The following EIF2A variants were observed in gnomAD, a reference collection of about 807,000 sequenced individuals.
EIF2A encodes the protein 65 kDa eukaryotic translation initiation factor 2A.
EIF2A carries 62 observed loss-of-function variants against 75.2 expected under a neutral mutation model. The ratio of observed to expected loss-of-function variants is 0.82; its 90% CI spans 0.67 to 1.02. The LOEUF is 1.02. EIF2A is among the 50% of genes least tolerant of loss of function. EIF2A has a pLI of 0.00. For synonymous variants in EIF2A, 207 were observed against 239.0 expected (o/e 0.87, Z 1.23); for missense variants, 611 against 677.7 (o/e 0.90, Z 1.09).
chr3:150,546,810 C>T lies in EIF2A; in HGVS notation c.8C>T (p.Pro3Leu), dbSNP rs773320355. The T allele has an allele frequency of 3.7e-6, 6 of 1,612,404 alleles. No individual in the cohort carries two copies. The African/African-American group carries it at 5.3e-5, about 14-fold the overall frequency. The change falls in exon 1 of 14, where the codon CCG becomes CTG. Residue 3 changes from proline to leucine, a missense_variant. Physicochemically the swap from Pro to Leu is moderately conservative, Grantham distance 98. Transcript: ENST00000460851. ...TTCTCTTTCCGGGACAACATGGCGC[C>T]GTCCACGCCGCTCTTGACAGGTGAG... MA[P>L]STPLLTVRGS...
At chr3:150,583,610 C>T (rs1294955926) in intron 13 of EIF2A, among the ~76,000 whole-genome samples, 1 of 151,910 alleles carries the variant, frequency 6.6e-6, no homozygotes, top group African/African-American at 2.4e-5. Context: ...TGTTTAAGCC[C>T]GAATATAGAA....
At chr3:150,583,565 C>T (rs754398773) in intron 13 of EIF2A, among the ~76,000 whole-genome samples, 1 of 152,134 alleles carries the variant, frequency 6.6e-6, no homozygotes, top group Non-Finnish European at 1.5e-5. Context: ...TCAAGTTGTA[C>T]TGCCCTGTTT....
At chr3:150,552,195 A>T (rs1723350250) in intron 1 of EIF2A, among the ~76,000 whole-genome samples, 161 bp from the exon 2 acceptor site, 1 of 152,264 alleles carries the variant, frequency 6.6e-6, no homozygotes, top group South Asian at 2.1e-4. Flanking sequence ...GTAACAGAGT[A>T]AGAAAATATG....
chr3:150,583,990 A>G lies in EIF2A; in HGVS notation c.*79A>G. The G allele has an allele frequency of 7.5e-7, 1 of 1,338,658 alleles. No homozygotes were observed. The highest frequency in any genetic ancestry group is 1.1e-6 in the Non-Finnish European group (1 of 948,934). 82.9% of individuals were successfully genotyped at this position (1,338,658 alleles called of 1,614,324 possible). On this transcript the variant is annotated 3_prime_UTR_variant, in exon 14 of 14. Transcript: ENST00000460851. ...TTAAACCCATTGGTATACACAGAAT[A>G]TTCCTGTGCCCACACTTAATGTCAA...
chr3:150,565,213 A>G (rs750638545), intron 6 of EIF2A: 3 of 456,534 alleles, frequency 6.6e-6, no homozygotes, highest in Middle Eastern at 3.2e-4. Flanking sequence ...TTTCAGCTTC[A>G]GGTTCTTTTT....
At chr3:150,575,089 G>T (rs1724781414) in intron 10 of EIF2A, among the ~76,000 whole-genome samples, 1 of 152,130 alleles carries the variant, frequency 6.6e-6, no homozygotes, top group African/African-American at 2.4e-5. Flanking sequence ...GACAAGCCAT[G>T]TAATTTTTTT....
chr3:150,568,589 A>G (rs1724326184), intron 9 of EIF2A, among the ~76,000 whole-genome samples: 1 of 152,152 alleles, frequency 6.6e-6, no homozygotes, highest in African/African-American at 2.4e-5. Flanking sequence ...TATGACGGCA[A>G]ATTGCTTAAT....
chr3:150,570,216 A>G (rs557115244), intron 9 of EIF2A, among the ~76,000 whole-genome samples: 1 of 152,324 alleles, frequency 6.6e-6, no homozygotes, highest in African/African-American at 2.4e-5. Flanking sequence ...CTAGAGAAGA[A>G]TAATGGATTA....
intron 1 of EIF2A, among the ~76,000 whole-genome samples, chr3:150,551,428 A>G (rs545366433): frequency 1.5e-4 from 23 of 152,218 alleles, no homozygotes; most frequent in East Asian, 1.2e-3. Flanking sequence ...ATTTAATTCA[A>G]CCATTTAAAA....
chr3:150,562,962 A>G (rs575789940), intron 4 of EIF2A: 3 of 208,140 alleles, frequency 1.4e-5, no homozygotes, highest in African/African-American at 7.0e-5. Context: ...CTGAAGATTA[A>G]GAATAATAAT....
chr3:150,558,515 T>C, intron 3 of EIF2A, 53 bp downstream of exon 3: 1 of 1,357,096 alleles, frequency 7.4e-7, no homozygotes, highest in Non-Finnish European at 9.7e-7. Flanking sequence ...TAAACACAAC[T>C]GGCATTATTT....
Position 150,567,727 on chromosome 3 carries a change from T to A in EIF2A, c.510T>A (p.Ile170=). ...CAAATAAATTGCATTTGCAAAAAAT[T>A]AATGATTTTGTATTATCACCTGGAC... ...TIANKLHLQK[I]NDFVLSPGPQ... is the part of the protein sequence containing the mutation. The change falls in exon 7 of 14, where the codon ATT becomes ATA. Residue 170 remains isoleucine (I), a synonymous_variant. Transcript: ENST00000460851. 6 of 1,554,736 alleles carry A rather than the reference T, an allele frequency of 3.9e-6. No individual in the cohort carries two copies. The highest frequency in any genetic ancestry group is 5.2e-6 in the Non-Finnish European group (6 of 1,148,486).
In EIF2A at chr3:150,568,155, T is replaced by C. The variant is rs531008925; in HGVS notation, c.695-21T>C. 2.4e-4 allele frequency: 379 copies of C among 1,606,412 alleles called. 3 individuals are homozygous for C. In the South Asian group the frequency reaches 3.2e-3, roughly 14 times the overall value. ...ATGCCCATTTGTGTTTTAAATCTAATTAAAGTTTTTACTGTTATAGCTACT... is the reference window on the plus strand; with the variant it reads ...ATGCCCATTTGTGTTTTAAATCTAACTAAAGTTTTTACTGTTATAGCTACT... On this transcript the variant is annotated intron_variant, in intron 8 of 13. Coordinates refer to ENST00000460851, the MANE Select transcript of EIF2A (RefSeq NM_032025.5).
At chr3:150,577,970 A>G (rs957169639) in intron 11 of EIF2A, among the ~76,000 whole-genome samples, 3 of 152,196 alleles carry the variant, frequency 2.0e-5, no homozygotes, top group African/African-American at 7.2e-5. Flanking sequence ...ATTCCAAGTA[A>G]AAATGATCTA....
chr3:150,561,597 A>G (rs1158010471), intron 3 of EIF2A, among the ~76,000 whole-genome samples: 1 of 151,888 alleles, frequency 6.6e-6, no homozygotes, highest in African/African-American at 2.4e-5. Flanking sequence ...ATAAAACAAA[A>G]GTATACTTTT....
At chr3:150,559,727 G>T (rs1723751297) in intron 3 of EIF2A, among the ~76,000 whole-genome samples, 1 of 152,014 alleles carries the variant, frequency 6.6e-6, no homozygotes, top group Non-Finnish European at 1.5e-5. Flanking sequence ...CTGACCTCAA[G>T]TGATCCACCC....
chr3:150,551,924 A>G (rs750722821), intron 1 of EIF2A, among the ~76,000 whole-genome samples: 7 of 152,200 alleles, frequency 4.6e-5, no homozygotes, highest in Non-Finnish European at 8.8e-5. Context: ...TTATATTTCT[A>G]AAAACTTTAA....
At chr3:150,554,675 T>C (rs1336276920) in intron 2 of EIF2A, among the ~76,000 whole-genome samples, 1 of 152,208 alleles carries the variant, frequency 6.6e-6, no homozygotes, top group Non-Finnish European at 1.5e-5. Flanking sequence ...CAGATGATCA[T>C]CAAAAGATGC....
At chr3:150,577,177 A>G (rs1221067570) in intron 11 of EIF2A, among the ~76,000 whole-genome samples, 1 of 152,158 alleles carries the variant, frequency 6.6e-6, no homozygotes, top group East Asian at 1.9e-4. Context: ...GGTCTCTTTT[A>G]TAAAGCTACT....
Sources: gnomAD v4.1 joint callset for allele counts (sites outside exome capture counted in the v4.1 genomes callset) on GRCh38, gnomAD v4.1.1 for gene constraint, MANE v1.5 for transcripts, NCBI Gene and HGNC (gene_info 2026-07-23, HGNC 2026-07-21) for gene names.